The following CFAP69 variants were observed in gnomAD, a reference collection of about 807,000 sequenced individuals.
CFAP69 encodes cilia- and flagella-associated protein 69.
CFAP69 carries 92 observed loss-of-function variants against 123.0 expected under a neutral mutation model. The observed-to-expected ratio is 0.75, with a 90% CI of 0.63 to 0.89. The LOEUF is 0.89. Among genes scored for constraint, CFAP69 ranks in the 40% least tolerant of loss-of-function variants. CFAP69 has a pLI of 0.00. For synonymous variants in CFAP69, 380 were observed against 364.3 expected (o/e 1.04, Z -0.49); for missense variants, 1,067 against 1,096.9 (o/e 0.97, Z 0.39).
chr7:90,269,255 G>T (rs1584389060), intron 6 of CFAP69, among the ~76,000 whole-genome samples: 1 of 151,970 alleles, frequency 6.6e-6, no homozygotes, highest in East Asian at 1.9e-4. Flanking sequence ...AAAGATATTG[G>T]ATACTAAAAG....
In CFAP69 at chr7:90,279,325, G is replaced by A. The variant is rs533108493; in HGVS notation, c.1156-352G>A. 1.1e-4 allele frequency among the ~76,000 whole-genome samples: 16 copies of A among 152,034 alleles called. No homozygotes were observed. The East Asian group carries it at 1.4e-3, about 13-fold the overall frequency. ...GCCCCAAAATATTCTATGTTTTATTGTACGTTAAAGTAAAATACGTTATAC... is the reference window on the plus strand; with the variant it reads ...GCCCCAAAATATTCTATGTTTTATTATACGTTAAAGTAAAATACGTTATAC... On this transcript the variant is annotated intron_variant, in intron 11 of 22. Transcript: ENST00000389297.
chr7:90,245,505 C>G lies in CFAP69; in HGVS notation c.81C>G (p.Ile27Met). Residue 27 changes from isoleucine (I) to methionine (M), a missense_variant, in exon 1 of 23, where the codon ATC becomes ATG. By Grantham distance (10) the Ile-to-Met change is conservative. Coordinates refer to ENST00000389297, the MANE Select transcript of CFAP69 (RefSeq NM_001039706.3). ...IRNKSSSSSQ[I>M]PVVGVVTEDD... is the part of the protein sequence containing the mutation. ...ACAAGTCTAGCAGTTCCAGTCAAAT[C>G]CCGGTGGTTGGGGTGGTGACGGAGG... 6.5e-7 allele frequency: 1 copy of G among 1,531,364 alleles called. No individual in the cohort carries two copies. The highest frequency in any genetic ancestry group is 8.8e-7 in the Non-Finnish European group (1 of 1,142,720). The allele number at this position is 1,531,364 out of a possible 1,614,324, so 94.9% of individuals were successfully genotyped here. A position where few individuals can be genotyped will look rare whatever the true frequency, so the allele number is the denominator to read the frequency against.
rs891056214 is a variant in CFAP69, at chr7:90,306,867, G to A, written c.2266-34G>A. The A allele has an allele frequency of 2.4e-6, 3 of 1,270,934 alleles. No homozygotes were observed. The African/African-American group carries it at 4.5e-5, about 19-fold the overall frequency. The allele number at this position is 1,270,934 out of a possible 1,614,324, so 78.7% of individuals were successfully genotyped here. On this transcript the variant is annotated intron_variant, in intron 19 of 22. Coordinates refer to ENST00000389297, the MANE Select transcript of CFAP69 (RefSeq NM_001039706.3). ...TGTACAATTGCATGATTTGTTTTTG[G>A]TTAATTTAACTTTGTTAAACTTTGT... is the stretch of plus-strand genomic sequence containing the variant.
intron 1 of CFAP69, among the ~76,000 whole-genome samples, chr7:90,250,175 T>C (rs6959010): frequency 0.89 from 130,024 of 146,708 alleles, 57,755 homozygotes; most frequent in East Asian, 1. Context: ...AGACCCCCAC[T>C]CTTTAAAGAG....
rs1798388036 is a variant in CFAP69 at position 90,261,933 on chromosome 7, T to TA, written c.247-9dup. 7.5e-7 allele frequency: 1 copy of TA among 1,329,424 alleles called. No homozygotes were observed. Among genetic ancestry groups the TA allele is most frequent in the Non-Finnish European group, 1.0e-6 (1 of 957,442 alleles). The allele number at this position is 1,329,424 out of a possible 1,614,324, so 82.4% of individuals were successfully genotyped here. ...ATTAATCTGAATTTTATTTCTTAAC[T>TA]AAAAATATTAAAGCCATTAAGGGAT... is the stretch of plus-strand genomic sequence containing the variant. On this transcript the variant is annotated splice_polypyrimidine_tract_variant and intron_variant, in intron 3 of 22. Transcript: ENST00000389297.
At chr7:90,282,755 A>AT (rs1789674317) in intron 12 of CFAP69, 137 bp from the exon 13 acceptor site, 2 of 622,640 alleles carry the variant, frequency 3.2e-6, no homozygotes, top group Non-Finnish European at 4.8e-6. Context: ...ATAATATTTT[A>AT]TTTCTCTAAA....
chr7:90,314,067 T>C (rs951221258), downstream of CFAP69, among the ~76,000 whole-genome samples: 3 of 152,032 alleles, frequency 2.0e-5, no homozygotes, highest in Non-Finnish European at 2.9e-5. Flanking sequence ...CAAACCCAAA[T>C]TGAGGGGCAT....
At chr7:90,283,106 G>A in intron 13 of CFAP69, 50 bp downstream of exon 13, 1 of 1,328,964 alleles carries the variant, frequency 7.5e-7, no homozygotes, top group South Asian at 2.0e-5. Context: ...ATTTTTAATA[G>A]TAGTAGTTTT....
At chr7:90,247,750 C>T (rs1796508466) in intron 1 of CFAP69, among the ~76,000 whole-genome samples, 1 of 152,180 alleles carries the variant, frequency 6.6e-6, no homozygotes, top group South Asian at 2.1e-4. Context: ...GAGGCTGAGG[C>T]AGGAGAATCA....
chr7:90,303,584 A>G, intron 17 of CFAP69: 2 of 958,962 alleles, frequency 2.1e-6, no homozygotes, highest in Non-Finnish European at 2.5e-6. Flanking sequence ...TAGCATCATA[A>G]AATAGTTTTT....
chr7:90,265,280 A>G (rs1798999073), intron 4 of CFAP69, 21 bp from the exon 5 acceptor site: 7 of 1,529,304 alleles, frequency 4.6e-6, no homozygotes, highest in Non-Finnish European at 6.3e-6. Flanking sequence ...TTACTGTTAC[A>G]ATTCTTCATT....
At chr7:90,245,957 C>G (rs1311288205) in intron 1 of CFAP69, among the ~76,000 whole-genome samples, 2 of 152,144 alleles carry the variant, frequency 1.3e-5, no homozygotes, top group African/African-American at 4.8e-5. Context: ...GAGTGATGTT[C>G]TTGATATAGA....
At position 90,286,358 on chromosome 7, in the gene CFAP69, C is replaced by A; in HGVS notation, c.1615C>A (p.Leu539Ile). Residue 539 changes from leucine to isoleucine, a missense_variant, in exon 14 of 23, where the codon CTT becomes ATT. Coordinates refer to ENST00000389297, the MANE Select transcript of CFAP69 (RefSeq NM_001039706.3). ...TTTGGAAATCCAGTCTGATATATTA[C>A]TTATCCTATCTGGCCTTTGTGAGAA... ...IVLEIQSDIL[L>I]ILSGLCENHI... 1 of 1,612,086 alleles carries A rather than the reference C, an allele frequency of 6.2e-7. No homozygotes were observed. Among genetic ancestry groups the A allele is most frequent in the Non-Finnish European group, 8.5e-7 (1 of 1,179,166 alleles).
Position 90,278,233 on chromosome 7 carries a change from G to A in CFAP69, c.1155+899G>A, listed in dbSNP as rs1430767030. ...AGTGCTACCGCTTTCTAGCTATGTG[G>A]CATTAAATGGGTTGTTTGATTTCTC... On this transcript the variant is annotated intron_variant, in intron 11 of 22. Coordinates refer to ENST00000389297, the MANE Select transcript of CFAP69 (RefSeq NM_001039706.3). Among the ~76,000 whole-genome samples, 4 of 152,198 alleles carry A rather than the reference G, an allele frequency of 2.6e-5. No homozygotes were observed. The East Asian group carries it at 7.7e-4, about 29-fold the overall frequency.
At chr7:90,272,145 T>C (rs1403938110) in intron 8 of CFAP69, 187 bp downstream of exon 8, 8 of 480,966 alleles carry the variant, frequency 1.7e-5, no homozygotes, top group Non-Finnish European at 2.5e-5. Flanking sequence ...CACTTTTCTA[T>C]GTGGAAGGCT....
chr7:90,256,097 G>A (rs567767018), intron 2 of CFAP69, among the ~76,000 whole-genome samples: 52 of 152,194 alleles, frequency 3.4e-4, no homozygotes, highest in Non-Finnish European at 5.9e-4. Context: ...AAAGGAATAC[G>A]TATTGTTAGT....
chr7:90,303,269 A>G (rs1793076651), intron 17 of CFAP69: 1 of 151,064 alleles, frequency 6.6e-6, no homozygotes, highest in East Asian at 1.9e-4. Context: ...GCAAACAGGG[A>G]TAGTTTGACT....
chr7:90,246,185 A>T (rs1359394155), intron 1 of CFAP69, among the ~76,000 whole-genome samples: 4 of 152,204 alleles, frequency 2.6e-5, no homozygotes, highest in Non-Finnish European at 1.5e-5. Flanking sequence ...TGAATACAAA[A>T]TTCACTCTTG....
chr7:90,314,594 C>G (rs1220514813), downstream of CFAP69, among the ~76,000 whole-genome samples: 13 of 147,844 alleles, frequency 8.8e-5, no homozygotes, highest in Admixed American at 8.2e-4. Context: ...GCACCACTGA[C>G]AGAGCAAGAC....
Sources: allele counts gnomAD v4.1 joint callset (sites outside exome capture counted in the v4.1 genomes callset), GRCh38; gene constraint gnomAD v4.1.1; transcripts MANE v1.5; gene names NCBI Gene and HGNC (gene_info 2026-07-23, HGNC 2026-07-21).